Variants in PARD3B observed in about 807,000 individuals in gnomAD.
PARD3B encodes partitioning defective 3 homolog B.
PARD3B carries 103 observed loss-of-function variants against 130.2 expected under a neutral mutation model. The ratio of observed to expected loss-of-function variants is 0.79; its 90% CI spans 0.67 to 0.93. The LOEUF (loss-of-function observed/expected upper bound fraction) is 0.93. Ranked by LOEUF, PARD3B falls within the 40% of genes least tolerant of loss-of-function variation. The pLI is 0.00. For synonymous variants in PARD3B, 583 were observed against 553.2 expected (o/e 1.05, Z -0.76); for missense variants, 1,609 against 1,499.2 (o/e 1.07, Z -1.21).
chr2:205,397,207 A>ACCCC lies in PARD3B; in HGVS notation c.2631-3803_2631-3802insCCCC. 6.6e-6 allele frequency among the ~76,000 whole-genome samples: 1 copy of ACCCC among 152,212 alleles called. No homozygotes were observed. Among genetic ancestry groups the ACCCC allele is most frequent in the East Asian group, 1.9e-4 (1 of 5,200 alleles). Reference sequence around the variant, plus strand: ...GTTTTATAATGCTTTTCTTGGGCCTACCCAAACTTTACAAAATAAGGTAAT... The same window carrying ACCCC: ...GTTTTATAATGCTTTTCTTGGGCCTACCCCCCCAAACTTTACAAAATAAGGTAAT... On this transcript the variant is annotated intron_variant, in intron 18 of 22. Coordinates refer to ENST00000406610, the MANE Select transcript of PARD3B (RefSeq NM_001302769.2). This position sits in a 1 kb window ranked among gnomAD's most constrained non-coding sequence, Gnocchi z 4.8.
intron 4 of PARD3B, among the ~76,000 whole-genome samples, chr2:205,064,608 T>A (rs754996415): frequency 4.6e-5 from 7 of 152,144 alleles, no homozygotes; most frequent in Admixed American, 2.0e-4. Context: ...GTTTTCACCA[T>A]GTGGAAGACT....
In PARD3B at chr2:205,615,771, C is replaced by T; in HGVS notation, c.3576C>T (p.Thr1192=). ...GGSPDQYPYR[T]QDSRQKNPMT... Reference sequence around the variant, plus strand: ...GCCCAGACCAGTACCCTTACCGAACCCAGGATTCCCGGCAGAAGAACCCCA... The same window carrying T: ...GCCCAGACCAGTACCCTTACCGAACTCAGGATTCCCGGCAGAAGAACCCCA... The change falls in exon 23 of 23, where the codon ACC becomes ACT. Residue 1192 remains threonine, a synonymous_variant. Transcript: ENST00000406610. 6.2e-7 allele frequency: 1 copy of T among 1,613,980 alleles called. No individual in the cohort carries two copies. Among genetic ancestry groups the T allele is most frequent in the Non-Finnish European group, 8.5e-7 (1 of 1,179,936 alleles).
chr2:205,557,135 A>G (rs2052925486), intron 22 of PARD3B, among the ~76,000 whole-genome samples: 1 of 152,188 alleles, frequency 6.6e-6, no homozygotes, highest in Non-Finnish European at 1.5e-5. Context: ...GGGAGTGAGC[A>G]AAAGGCACTG....
At chr2:204,782,095 G>A (rs1156463045) in intron 2 of PARD3B, among the ~76,000 whole-genome samples, 4 of 152,064 alleles carry the variant, frequency 2.6e-5, no homozygotes, top group African/African-American at 9.7e-5. Context: ...TGAGCTGAGA[G>A]CGTGTTAGGC....
intron 2 of PARD3B, among the ~76,000 whole-genome samples, chr2:204,706,900 G>A (rs1182793387): frequency 6.6e-6 from 1 of 152,120 alleles, no homozygotes; most frequent in Non-Finnish European, 1.5e-5. Context: ...ATAGTTTCCA[G>A]TCAATATAGT....
At chr2:205,567,092 C>T (rs982104671) in intron 22 of PARD3B, among the ~76,000 whole-genome samples, 68 of 152,034 alleles carry the variant, frequency 4.5e-4, no homozygotes, top group African/African-American at 1.6e-3. Context: ...CAGAAATATG[C>T]ACTAAAATAT....
At chr2:205,108,126 A>G (rs1264516580) in intron 5 of PARD3B, among the ~76,000 whole-genome samples, 2 of 152,192 alleles carry the variant, frequency 1.3e-5, no homozygotes, top group Non-Finnish European at 2.9e-5. Context: ...ACATTTCCCC[A>G]TGTTTTGATG....
At chr2:205,420,104 T>G (rs2046916044) in intron 19 of PARD3B, among the ~76,000 whole-genome samples, 1 of 152,200 alleles carries the variant, frequency 6.6e-6, no homozygotes, top group African/African-American at 2.4e-5. Flanking sequence ...TATACAGCAT[T>G]GATTAAAAGT....
chr2:205,203,447 T>C (rs1314768826), intron 15 of PARD3B, among the ~76,000 whole-genome samples: 1 of 152,100 alleles, frequency 6.6e-6, no homozygotes, highest in Non-Finnish European at 1.5e-5. Context: ...TACTATACTT[T>C]TACTTTTTAC....
chr2:205,604,383 C>T (rs539606547), intron 22 of PARD3B, among the ~76,000 whole-genome samples: 9 of 152,248 alleles, frequency 5.9e-5, no homozygotes, highest in Non-Finnish European at 1.0e-4. Context: ...AGAGCTTATG[C>T]GGAAACTCCC....
chr2:204,961,167 G>T (rs56147520), intron 2 of PARD3B, among the ~76,000 whole-genome samples: 25 of 152,290 alleles, frequency 1.6e-4, no homozygotes, highest in Non-Finnish European at 3.4e-4. Flanking sequence ...AGTATTAAAG[G>T]AGTCTCATCA....
intron 1 of PARD3B, among the ~76,000 whole-genome samples, chr2:204,620,185 A>G: frequency 6.6e-6 from 1 of 152,064 alleles, no homozygotes; most frequent in East Asian, 1.9e-4. Context: ...TATTTTTAGT[A>G]GAGATGGGGG....
At chr2:205,348,569 G>GA (rs2043879509) in intron 18 of PARD3B, among the ~76,000 whole-genome samples, 1 of 152,182 alleles carries the variant, frequency 6.6e-6, no homozygotes, top group South Asian at 2.1e-4. Flanking sequence ...GCAGGTAGGT[G>GA]ATCAAAGAAT....
At chr2:205,536,278 G>T (rs927298561) in intron 21 of PARD3B, among the ~76,000 whole-genome samples, 1 of 152,102 alleles carries the variant, frequency 6.6e-6, no homozygotes, top group South Asian at 2.1e-4. Flanking sequence ...GAAATGATTC[G>T]ATTAACTTTT....
intron 3 of PARD3B, among the ~76,000 whole-genome samples, chr2:205,033,759 C>G (rs1697592470): frequency 6.6e-6 from 1 of 152,136 alleles, no homozygotes; most frequent in Admixed American, 6.6e-5. Context: ...TTTAGCTATT[C>G]CATGGGTTGC....
At chr2:205,110,649 T>G (rs10170692) in intron 5 of PARD3B, among the ~76,000 whole-genome samples, 18,099 of 147,556 alleles carry the variant, frequency 0.12, 1,012 homozygotes, top group East Asian at 0.14. Flanking sequence ...TTGTTTTTTT[T>G]GTAAGTGGCT....
At chr2:204,595,956 A>C (rs958873617) in intron 1 of PARD3B, among the ~76,000 whole-genome samples, 8 of 152,248 alleles carry the variant, frequency 5.3e-5, no homozygotes, top group Non-Finnish European at 1.0e-4. Flanking sequence ...GATTATTTGC[A>C]GGTGCTATGC....
intron 2 of PARD3B, among the ~76,000 whole-genome samples, chr2:204,724,692 T>A (rs1264389800): frequency 6.6e-6 from 1 of 152,054 alleles, no homozygotes; most frequent in Non-Finnish European, 1.5e-5. Context: ...ACTATGGAAG[T>A]GGAGTAGTAG....
rs1318316805 is a variant in PARD3B, at chr2:204,658,195, T to C, written c.121-27986T>C. 2.0e-5 allele frequency among the ~76,000 whole-genome samples: 3 copies of C among 152,098 alleles called. No individual in the cohort carries two copies. The East Asian group carries it at 5.8e-4, about 29-fold the overall frequency. ...CTTTATTCAAAGACACTTTGAAGAC[T>C]AAAAGTTAAAAAAAAAATCTATCTT... On this transcript the variant is annotated intron_variant, in intron 1 of 22. Transcript: ENST00000406610.
Sources: gnomAD v4.1 joint callset for allele counts (sites outside exome capture counted in the v4.1 genomes callset) on GRCh38, gnomAD v4.1.1 for gene constraint, Gnocchi (gnomAD v3.1) non-coding constraint, MANE v1.5 for transcripts, NCBI Gene and HGNC (gene_info 2026-07-23, HGNC 2026-07-21) for gene names.